Variants in TJP2 observed in about 807,000 individuals in gnomAD.
The protein encoded by TJP2 is tight junction protein 2, also known as Friedreich ataxia region gene X104 (tight junction protein ZO-2).
In TJP2, 91 loss-of-function variants were observed where a neutral mutation model predicts 133.1. That is an observed-to-expected ratio of 0.68 (90% CI 0.58 to 0.81). The LOEUF (loss-of-function observed/expected upper bound fraction) is 0.81, where lower values mean the gene tolerates loss of function less well. Among genes scored for constraint, TJP2 ranks in the 40% least tolerant of loss-of-function variants. The pLI is 0.00. For missense variants in TJP2, 1,541 were observed against 1,565.6 expected (o/e 0.98, Z 0.26); for synonymous variants, 592 against 583.4 (o/e 1.01, Z -0.21).
intron 1 of TJP2, among the ~76,000 whole-genome samples, chr9:69,188,809 A>G (rs1224435690): frequency 1.3e-5 from 2 of 152,192 alleles, no homozygotes; most frequent in Non-Finnish European, 2.9e-5. Context: ...TTCTTTCTTC[A>G]AGTCCATAGC....
At chr9:69,193,400 G>GGAAAATT (rs954299515) in intron 1 of TJP2, among the ~76,000 whole-genome samples, 2 of 151,466 alleles carry the variant, frequency 1.3e-5, no homozygotes, top group African/African-American at 4.9e-5. Flanking sequence ...TCTACAAAAA[G>GGAAAATT]GAAAATTGGG....
intron 1 of TJP2, among the ~76,000 whole-genome samples, chr9:69,201,311 G>A (rs1826972462): frequency 6.6e-6 from 1 of 152,182 alleles, no homozygotes; most frequent in Non-Finnish European, 1.5e-5. Flanking sequence ...ACAAGTACTG[G>A]TTGGAGCAGG....
In TJP2 at chr9:69,240,127, C is replaced by A; in HGVS notation, c.2546C>A (p.Thr849Lys). 6.2e-7 allele frequency: 1 copy of A among 1,613,848 alleles called. No individual in the cohort carries two copies. The highest frequency in any genetic ancestry group is 8.5e-7 in the Non-Finnish European group (1 of 1,179,880). The change falls in exon 17 of 23, where the codon ACG becomes AAG. Residue 849 changes from threonine to lysine, a missense_variant. By Grantham distance (78) the Thr-to-Lys change is moderately conservative (BLOSUM62 -1). Transcript: ENST00000377245. ...LFDQANKLKK[T>K]CAHLFTATIN... is the part of the protein sequence containing the mutation. ...GATCAAGCCAACAAGCTTAAAAAAA[C>A]GTGTGCACACCTTTTTACAGGTAAG... is the stretch of plus-strand genomic sequence containing the variant.
At chr9:69,207,544 A>G (rs1436661651) in intron 1 of TJP2, among the ~76,000 whole-genome samples, 4 of 152,138 alleles carry the variant, frequency 2.6e-5, no homozygotes, top group Admixed American at 6.5e-5. Flanking sequence ...GCATTTAGTC[A>G]CACGGTTCTC....
intron 11 of TJP2, among the ~76,000 whole-genome samples, chr9:69,231,934 C>G (rs1829814822): frequency 6.6e-6 from 1 of 152,176 alleles, no homozygotes; most frequent in Admixed American, 6.5e-5. Flanking sequence ...AAATGTGGAG[C>G]TTTTGCTCAT....
rs1258844590 is a variant in TJP2 at position 69,255,164 on chromosome 9, G to A, written c.*790G>A. On this transcript the variant is annotated 3_prime_UTR_variant, in exon 23 of 23. Transcript: ENST00000377245. Reference sequence around the variant, plus strand: ...TCCAAAAGCACATGTATTGACAACAGTTTTATAATTTAATAAAAAGGAATA... The same window carrying A: ...TCCAAAAGCACATGTATTGACAACAATTTTATAATTTAATAAAAAGGAATA... 2 of 152,256 alleles carry A rather than the reference G, an allele frequency of 1.3e-5. No individual in the cohort carries two copies. The highest frequency in any genetic ancestry group is 3.8e-4 in the East Asian group (2 of 5,204). 9.4% of individuals were successfully genotyped at this position (152,256 alleles called of 1,614,324 possible).
chr9:69,136,851 A>G (rs1347083179), intron 1 of TJP2, among the ~76,000 whole-genome samples: 3 of 152,154 alleles, frequency 2.0e-5, no homozygotes, highest in African/African-American at 2.4e-5. Context: ...CATGAACTCC[A>G]CATTTGGATT....
chr9:69,171,717 C>T (rs145859746), upstream of TJP2, among the ~76,000 whole-genome samples: 56 of 151,350 alleles, frequency 3.7e-4, no homozygotes, highest in African/African-American at 1.4e-3. Flanking sequence ...ACTGAGTTTC[C>T]TAAGGCAGGA....
intron 19 of TJP2, chr9:69,248,970 CAAAAAAA>C (rs56986564): frequency 5.5e-6 from 5 of 911,562 alleles, no homozygotes; most frequent in African/African-American, 2.2e-5. Context: ...ATAGAACTAC[CAAAAAAA>C]AAAAAAAAAA....
rs58935075 is a variant in TJP2, at chr9:69,155,227, C to CAA, written c.-10+3477_-10+3478dup. On this transcript the variant is annotated intron_variant, in intron 2 of 5. Coordinates refer to the TJP2 transcript ENST00000423935. ...GGGCGAAAGAGTGAAACTCCATTTC[C>CAA]AAAAAAAAAAAAAAAAAAAAAAGGA... Among the ~76,000 whole-genome samples the CAA allele has an allele frequency of 8.7e-3, 851 of 98,242 alleles. 3 individuals are homozygous for CAA. The highest frequency in any genetic ancestry group is 0.015 in the African/African-American group (378 of 24,810). 64.5% of individuals were successfully genotyped at this position (98,242 alleles called of 152,430 possible). A position where few individuals can be genotyped will look rare whatever the true frequency, so the allele number is the denominator to read the frequency against.
At position 69,254,251 on chromosome 9, in the gene TJP2, T is replaced by C. The variant is rs779575464; in HGVS notation, c.3450T>C (p.Tyr1150=). The change falls in exon 23 of 23, where the codon TAT becomes TAC. Residue 1150 remains tyrosine (Y), a synonymous_variant. Transcript: ENST00000377245. ...PEPQKAPSRP[Y]QDTRGSYGSD... Reference sequence around the variant, plus strand: ...CACAGAAAGCTCCTTCCAGACCTTATCAGGATACCAGAGGAAGTTATGGCA... The same window carrying C: ...CACAGAAAGCTCCTTCCAGACCTTACCAGGATACCAGAGGAAGTTATGGCA... The C allele has an allele frequency of 2.5e-6, 4 of 1,614,208 alleles. No homozygotes were observed. The highest frequency in any genetic ancestry group is 3.4e-6 in the Non-Finnish European group (4 of 1,180,030).
chr9:69,234,818 G>A (rs548978413), intron 12 of TJP2, among the ~76,000 whole-genome samples: 4 of 152,230 alleles, frequency 2.6e-5, no homozygotes, highest in African/African-American at 4.8e-5. Flanking sequence ...GCAGCCTTAT[G>A]TTCTGCCTGG....
chr9:69,169,225 C>G (rs1003058204), intron 2 of TJP2, among the ~76,000 whole-genome samples: 1 of 152,144 alleles, frequency 6.6e-6, no homozygotes, highest in Non-Finnish European at 1.5e-5. Flanking sequence ...TTGTCATTAT[C>G]TTCTGTATAG....
At chr9:69,235,890 G>A (rs1055876127) in intron 12 of TJP2, 138 bp from the exon 13 acceptor site, 1 of 760,196 alleles carries the variant, frequency 1.3e-6, no homozygotes, top group Non-Finnish European at 2.3e-6. Flanking sequence ...TCCTGTTGGA[G>A]CTGTGACTCC....
At chr9:69,148,907 A>G (rs1372170096) in intron 1 of TJP2, among the ~76,000 whole-genome samples, 1 of 152,228 alleles carries the variant, frequency 6.6e-6, no homozygotes, top group African/African-American at 2.4e-5. Context: ...GTATAGCCAC[A>G]ATGGAGAAAG....
At chr9:69,218,403 G>T (rs1247225188) in intron 4 of TJP2, 44 bp downstream of exon 4, 2 of 1,500,366 alleles carry the variant, frequency 1.3e-6, no homozygotes, top group Non-Finnish European at 9.3e-7. Flanking sequence ...TAGCATTTTG[G>T]TTTTTTGCCC....
rs1476669551 is a variant in TJP2 at position 69,227,766 on chromosome 9, T to C, written c.1212T>C (p.Asp404=). The C allele has an allele frequency of 6.3e-7, 1 of 1,582,244 alleles. No homozygotes were observed. The highest frequency in any genetic ancestry group is 1.3e-5 in the African/African-American group (1 of 74,234). ...GTCTTTTCTTATTTTTGAAACTAGA[T>C]ATTTCAGAAATAGAGTCAAACCGAT... ...SLNDSDSEIE[D]ISEIESNRSF... Residue 404 remains aspartate (D), a splice_region_variant and synonymous_variant, in exon 8 of 23, where the codon GAT becomes GAC. Transcript: ENST00000377245.
At chr9:69,133,892 A>C (rs920567596) in intron 1 of TJP2, among the ~76,000 whole-genome samples, 1 of 151,980 alleles carries the variant, frequency 6.6e-6, no homozygotes, top group African/African-American at 2.4e-5. Flanking sequence ...CTTTACCTGG[A>C]TGCCCCAGAT....
chr9:69,140,737 A>G (rs1367246516), intron 1 of TJP2, among the ~76,000 whole-genome samples: 4 of 152,234 alleles, frequency 2.6e-5, no homozygotes, highest in Admixed American at 2.6e-4. Context: ...AGGCAAGGGA[A>G]CTGCTAGAAT....
Sources: allele counts gnomAD v4.1 joint callset (sites outside exome capture counted in the v4.1 genomes callset), GRCh38; gene constraint gnomAD v4.1.1; transcripts MANE v1.5; gene names NCBI Gene and HGNC (gene_info 2026-07-23, HGNC 2026-07-21).